The following CDH13 variants were observed in gnomAD, a reference collection of about 807,000 sequenced individuals.
CDH13 encodes cadherin 13.
Under a neutral mutation model 63.8 loss-of-function variants are expected in CDH13, and 24 were observed. The ratio of observed to expected loss-of-function variants is 0.38; its 90% CI spans 0.27 to 0.53. The LOEUF (loss-of-function observed/expected upper bound fraction) is 0.53. CDH13 is among the 20% of genes least tolerant of loss of function. The pLI is 0.85. For missense variants in CDH13, 1,049 were observed against 903.1 expected (o/e 1.16, Z -2.07); for synonymous variants, 503 against 355.3 (o/e 1.42, Z -4.67).
intron 6 of CDH13, among the ~76,000 whole-genome samples, chr16:83,434,551 C>T (rs2072228262): frequency 6.6e-6 from 1 of 151,946 alleles, no homozygotes. Flanking sequence ...CCTAGAGTCC[C>T]TCCTCCACTC....
chr16:82,819,024 C>T (rs939374536), intron 1 of CDH13, among the ~76,000 whole-genome samples: 1 of 152,122 alleles, frequency 6.6e-6, no homozygotes, highest in Non-Finnish European at 1.5e-5. Flanking sequence ...ATTCTTTCAG[C>T]AAAATCATCT....
At chr16:83,105,033 G>A (rs1337350773) in intron 3 of CDH13, among the ~76,000 whole-genome samples, 2 of 151,886 alleles carry the variant, frequency 1.3e-5, no homozygotes, top group African/African-American at 2.4e-5. Flanking sequence ...AAGTTCCGGG[G>A]TACACGCACA....
chr16:83,706,986 G>C (rs2150917571), intron 10 of CDH13, among the ~76,000 whole-genome samples: 1 of 152,256 alleles, frequency 6.6e-6, no homozygotes, highest in Non-Finnish European at 1.5e-5. Context: ...TCTCAGCAAG[G>C]CTACATGAAG....
chr16:83,266,056 C>T (rs1907579983), intron 5 of CDH13, among the ~76,000 whole-genome samples: 1 of 152,140 alleles, frequency 6.6e-6, no homozygotes. Context: ...CCTGCCTCAG[C>T]ATCCCTAGTA....
At chr16:83,468,219 C>G (rs546834296) in intron 6 of CDH13, among the ~76,000 whole-genome samples, 1 of 152,116 alleles carries the variant, frequency 6.6e-6, no homozygotes, top group African/African-American at 2.4e-5. Flanking sequence ...TGTGGATTAT[C>G]CAGGTGGGCC....
intron 12 of CDH13, among the ~76,000 whole-genome samples, chr16:83,780,535 G>C (rs1864979885): frequency 6.6e-6 from 1 of 152,044 alleles, no homozygotes; most frequent in Non-Finnish European, 1.5e-5. Flanking sequence ...CATATATTTA[G>C]GGGGCACAAC....
At chr16:83,431,595 A>C (rs1232481441) in intron 6 of CDH13, among the ~76,000 whole-genome samples, 1 of 152,164 alleles carries the variant, frequency 6.6e-6, no homozygotes, top group Non-Finnish European at 1.5e-5. Flanking sequence ...CAATGCTGGC[A>C]TCTTCTGGGG....
At chr16:83,766,686 T>C (rs1914411312) in intron 11 of CDH13, among the ~76,000 whole-genome samples, 1 of 152,226 alleles carries the variant, frequency 6.6e-6, no homozygotes, top group Non-Finnish European at 1.5e-5. Flanking sequence ...GTTGAGATCC[T>C]AACATTCTGT....
intron 1 of CDH13, among the ~76,000 whole-genome samples, chr16:82,787,261 C>T (rs12934135): frequency 0.83 from 126,271 of 152,094 alleles, 52,760 homozygotes; most frequent in Middle Eastern, 0.9. Flanking sequence ...TCCATGTATA[C>T]AGCTGAGCAT....
intron 4 of CDH13, among the ~76,000 whole-genome samples, chr16:83,171,935 C>T (rs937760302): frequency 1.3e-5 from 2 of 152,106 alleles, no homozygotes; most frequent in African/African-American, 2.4e-5. Context: ...TTATTGTCAT[C>T]CTGCATGGTG....
intron 1 of CDH13, among the ~76,000 whole-genome samples, chr16:82,709,062 G>A (rs1157725061): frequency 6.6e-6 from 1 of 152,216 alleles, no homozygotes; most frequent in East Asian, 1.9e-4. Flanking sequence ...TGAGCTGCCA[G>A]TTACATCGCT....
chr16:83,235,585 T>TTTG (rs201207162), intron 5 of CDH13, among the ~76,000 whole-genome samples: 7 of 146,990 alleles, frequency 4.8e-5, no homozygotes, highest in Admixed American at 2.0e-4. Flanking sequence ...TGGTGGTGTT[T>TTTG]TTTTTTTTTT....
At chr16:82,731,871 G>A (rs150648350) in intron 1 of CDH13, among the ~76,000 whole-genome samples, 3 of 152,122 alleles carry the variant, frequency 2.0e-5, no homozygotes, top group Non-Finnish European at 2.9e-5. Context: ...TTTGTGTAGA[G>A]CCAATTATTA....
chr16:83,483,902 C>T (rs948032741), intron 6 of CDH13, among the ~76,000 whole-genome samples: 2 of 152,212 alleles, frequency 1.3e-5, no homozygotes, highest in Non-Finnish European at 2.9e-5. Flanking sequence ...CAATGGGAGA[C>T]AGAGTCATGC....
intron 3 of CDH13, among the ~76,000 whole-genome samples, chr16:83,049,316 G>C: frequency 7.2e-6 from 1 of 139,668 alleles, no homozygotes; most frequent in South Asian, 2.3e-4. Context: ...GGGCATTTAT[G>C]ACTGGCCTCT....
chr16:83,409,432 C>T (rs1014430706), intron 6 of CDH13, among the ~76,000 whole-genome samples: 3 of 152,096 alleles, frequency 2.0e-5, no homozygotes, highest in African/African-American at 7.2e-5. Flanking sequence ...GGAGTAAGAC[C>T]CGGGGCTATG....
At chr16:83,706,053 TG>T (rs1906993814) in intron 10 of CDH13, among the ~76,000 whole-genome samples, 1 of 152,174 alleles carries the variant, frequency 6.6e-6, no homozygotes, top group African/African-American at 2.4e-5. Context: ...CAGGGCACAC[TG>T]GGAGCAGCCT....
At chr16:83,076,531 A>G (rs1326667440) in intron 3 of CDH13, among the ~76,000 whole-genome samples, 1 of 152,178 alleles carries the variant, frequency 6.6e-6, no homozygotes, top group East Asian at 1.9e-4. Flanking sequence ...TCAAACATAA[A>G]GTTGAAAGAA....
At chr16:83,507,432 T>G (rs2074427164) in intron 7 of CDH13, among the ~76,000 whole-genome samples, 1 of 152,212 alleles carries the variant, frequency 6.6e-6, no homozygotes, top group Admixed American at 6.5e-5. Flanking sequence ...AAAGCATATT[T>G]GGCTAGAAAG....
Sources: allele counts gnomAD v4.1 joint callset (sites outside exome capture counted in the v4.1 genomes callset), GRCh38; gene constraint gnomAD v4.1.1; transcripts MANE v1.5; gene names NCBI Gene and HGNC (gene_info 2026-07-23, HGNC 2026-07-21).